Variants in RXRA observed in about 807,000 individuals in gnomAD.
RXRA encodes the protein retinoid X receptor alpha, also known as retinoic acid receptor RXR-alpha.
RXRA carries 5 observed loss-of-function variants against 44.5 expected under a neutral mutation model. The ratio of observed to expected loss-of-function variants is 0.11; its 90% confidence interval spans 0.06 to 0.24. The LOEUF (loss-of-function observed/expected upper bound fraction) is 0.24. RXRA is among the 10% of genes least tolerant of loss of function. RXRA has a pLI of 1.00. For synonymous variants in RXRA, 291 were observed against 271.4 expected, an observed-to-expected ratio of 1.07 and a Z score of -0.71; for missense variants, 412 against 646.5, an observed-to-expected ratio of 0.64 and a Z score of 3.93.
At chr9:134,402,611 C>G (rs987232401) in intron 2 of RXRA, 17 of 152,194 alleles carry the variant, frequency 1.1e-4, no homozygotes, top group Admixed American at 5.2e-4. Context: ...CCCCTTCTTC[C>G]TTGGAGAAGA....
chr9:134,420,643 G>A (rs558638093), intron 5 of RXRA, among the ~76,000 whole-genome samples: 44 of 152,370 alleles, frequency 2.9e-4, no homozygotes, highest in African/African-American at 8.7e-4. Flanking sequence ...TTCAAAGGGA[G>A]GCATTTTTCT....
rs140135034 is a variant in RXRA, at chr9:134,374,373, C to T, written c.29-27259C>T. ...GCCACTTCCGCAGTGTGGGCTGCTC[C>T]CGGCCTGAGGGTGGCTCTGGTCCCC... On this transcript the variant is annotated intron_variant, in intron 1 of 9. Transcript: ENST00000481739. Among the ~76,000 whole-genome samples the T allele has an allele frequency of 9.0e-3, 1,370 of 152,302 alleles. 10 individuals are homozygous for T. Among genetic ancestry groups the T allele is most frequent in the Non-Finnish European group, 0.015 (1,008 of 68,026 alleles).
chr9:134,411,354 C>A (rs191746375), intron 4 of RXRA, among the ~76,000 whole-genome samples: 1 of 152,194 alleles, frequency 6.6e-6, no homozygotes, highest in Non-Finnish European at 1.5e-5. Context: ...CTGGTCAGAC[C>A]GCTCCCCTGG....
At position 134,326,627 on chromosome 9, in the gene RXRA, C is replaced by A; in HGVS notation, c.-5C>A. 1 of 968,392 alleles carries A rather than the reference C, an allele frequency of 1.0e-6. No individual in the cohort carries two copies. The highest frequency in any genetic ancestry group is 1.2e-6 in the Non-Finnish European group (1 of 818,378). The allele number at this position is 968,392 out of a possible 1,614,324, so 60.0% of individuals were successfully genotyped here. ...CCGCCGGCCGGGCATGAGTTAGTCG[C>A]AGACATGGACACCAAACATTTCCTG... On this transcript the variant is annotated 5_prime_UTR_variant, in exon 1 of 10. Coordinates refer to ENST00000481739, the MANE Select transcript of RXRA (RefSeq NM_002957.6).
chr9:134,343,521 G>A lies in RXRA; in HGVS notation c.28+16862G>A, dbSNP rs542719665. 9.9e-5 allele frequency among the ~76,000 whole-genome samples: 15 copies of A among 152,176 alleles called. No homozygotes were observed. In the East Asian group the frequency reaches 2.7e-3, roughly 28 times the overall value. On this transcript the variant is annotated intron_variant, in intron 1 of 9. Transcript: ENST00000481739. This position sits in a 1 kb window ranked among gnomAD's most constrained non-coding sequence, Gnocchi z 4.1. ...CATGGGAAGAAGCATTTTTTTGGGAGGAGTGGTTGCAGGGGCAGCTAGTTC... is the reference window on the plus strand; with the variant it reads ...CATGGGAAGAAGCATTTTTTTGGGAAGAGTGGTTGCAGGGGCAGCTAGTTC...
At chr9:134,411,705 G>A (rs559262365) in intron 4 of RXRA, among the ~76,000 whole-genome samples, 1 of 152,344 alleles carries the variant, frequency 6.6e-6, no homozygotes, top group South Asian at 2.1e-4. Context: ...GAATGCTGCC[G>A]AGCGCTCTCG....
intron 1 of RXRA, among the ~76,000 whole-genome samples, chr9:134,381,261 G>T (rs1302462900): frequency 6.6e-6 from 1 of 152,188 alleles, no homozygotes; most frequent in African/African-American, 2.4e-5. Flanking sequence ...TGCCCGGCCT[G>T]GGCTGGGGGC....
intron 5 of RXRA, among the ~76,000 whole-genome samples, chr9:134,420,836 G>T (rs1000854519): frequency 2.0e-5 from 3 of 152,210 alleles, no homozygotes; most frequent in Non-Finnish European, 2.9e-5. Flanking sequence ...GTTCAAGGCT[G>T]CCTGGGTCCC....
At position 134,436,937 on chromosome 9, in the gene RXRA, C is replaced by T. The variant is rs1204383050; in HGVS notation, c.*323C>T. On this transcript the variant is annotated 3_prime_UTR_variant, in exon 10 of 10. Transcript: ENST00000481739. The stretch of plus-strand genomic sequence containing the variant: ...GGGGCTTGGGCGACTACAGGGTCTT[C>T]GGGCCCCAGCCCTGGAGCTGCAGGA... 6.5e-6 allele frequency: 2 copies of T among 306,218 alleles called. No individual in the cohort carries two copies. Among genetic ancestry groups the T allele is most frequent in the East Asian group, 6.6e-5 (1 of 15,140 alleles). The allele number at this position is 306,218 out of a possible 1,614,324, so 19.0% of individuals were successfully genotyped here.
chr9:134,344,330 C>G (rs551153051), intron 1 of RXRA, among the ~76,000 whole-genome samples: 1 of 152,212 alleles, frequency 6.6e-6, no homozygotes, highest in Admixed American at 6.5e-5. Flanking sequence ...TCTATCTAGC[C>G]TGGTGTCTGG....
At chr9:134,329,914 C>T (rs1164958907) in intron 1 of RXRA, among the ~76,000 whole-genome samples, 1 of 152,198 alleles carries the variant, frequency 6.6e-6, no homozygotes, top group Non-Finnish European at 1.5e-5. Flanking sequence ...CCCCTCTGCC[C>T]CTGGGGCCTG....
chr9:134,431,812 C>T, intron 7 of RXRA, 93 bp from the exon 8 acceptor site: 3 of 983,700 alleles, frequency 3.0e-6, no homozygotes, highest in South Asian at 1.4e-5. Context: ...TCGGGCCACG[C>T]CGGGCTCTCC....
At chr9:134,398,334 G>A (rs1422875755) in intron 1 of RXRA, among the ~76,000 whole-genome samples, 6 of 149,776 alleles carry the variant, frequency 4.0e-5, no homozygotes, top group Non-Finnish European at 3.0e-5. Context: ...TTAATCAGGG[G>A]TGGGGACGGA....
At chr9:134,436,101 C>T (rs983646470) in intron 9 of RXRA, among the ~76,000 whole-genome samples, 1 of 152,248 alleles carries the variant, frequency 6.6e-6, no homozygotes, top group African/African-American at 2.4e-5. Context: ...CCACCTCGGC[C>T]TCTCAAAGTG....
In RXRA at chr9:134,418,952, C is replaced by T. The variant is rs142948738; in HGVS notation, c.780+1625C>T. ...TGAGGCCCCGTGGCTGGGTCAGGGC[C>T]ACCCTGCTTCCCTGCCCTTTCTGGA... is the stretch of plus-strand genomic sequence containing the variant. On this transcript the variant is annotated intron_variant, in intron 5 of 9. Coordinates refer to ENST00000481739, the MANE Select transcript of RXRA (RefSeq NM_002957.6). Among the ~76,000 whole-genome samples, 25 of 152,334 alleles carry T rather than the reference C, an allele frequency of 1.6e-4. 1 individual carries two copies. Among genetic ancestry groups the T allele is most frequent in the Middle Eastern group, 3.4e-3 (1 of 294 alleles).
chr9:134,358,672 C>G (rs1830313961), intron 1 of RXRA, among the ~76,000 whole-genome samples: 1 of 152,236 alleles, frequency 6.6e-6, no homozygotes, highest in African/African-American at 2.4e-5. Context: ...CCTCCCCTCC[C>G]CGCCCCTCCC....
rs1451087355 is a variant in RXRA, at chr9:134,366,149, C to T, written c.29-35483C>T. 6.6e-6 allele frequency among the ~76,000 whole-genome samples: 1 copy of T among 152,140 alleles called. No homozygotes were observed. The highest frequency in any genetic ancestry group is 1.5e-5 in the Non-Finnish European group (1 of 68,020). ...CAGATGAGAAGCCAAGGCTCAGAGG[C>T]ACCAGGGCCCCAGTGGGAGGCGGCA... is the stretch of plus-strand genomic sequence containing the variant. On this transcript the variant is annotated intron_variant, in intron 1 of 9. Coordinates refer to ENST00000481739, the MANE Select transcript of RXRA (RefSeq NM_002957.6). This position sits in a 1 kb window ranked among gnomAD's most constrained non-coding sequence, Gnocchi z 5.9.
rs1470712679 is a variant in RXRA, at chr9:134,407,122, C to G, written c.280-1027C>G. Among the ~76,000 whole-genome samples, 1 of 152,224 alleles carries G rather than the reference C, an allele frequency of 6.6e-6. No homozygotes were observed. Among genetic ancestry groups the G allele is most frequent in the African/African-American group, 2.4e-5 (1 of 41,458 alleles). On this transcript the variant is annotated intron_variant, in intron 2 of 9. Coordinates refer to ENST00000481739, the MANE Select transcript of RXRA (RefSeq NM_002957.6). The surrounding 1 kb of genome is among the most constrained non-coding windows in gnomAD (Gnocchi z 4.8). ...GCAGATCGAGGAAGAACCTAGAAGC[C>G]AGAACAAGCTGGGGCTGGAAGACTC...
intron 1 of RXRA, among the ~76,000 whole-genome samples, chr9:134,398,454 A>C (rs1782246589): frequency 6.6e-6 from 1 of 152,054 alleles, no homozygotes; most frequent in East Asian, 1.9e-4. Flanking sequence ...CTGGCCAAAA[A>C]GCATCTCTCT....
Sources: gnomAD v4.1 joint callset for allele counts (sites outside exome capture counted in the v4.1 genomes callset) on GRCh38, gnomAD v4.1.1 for gene constraint, Gnocchi (gnomAD v3.1) non-coding constraint, MANE v1.5 for transcripts, NCBI Gene and HGNC (gene_info 2026-07-23, HGNC 2026-07-21) for gene names.